Variants in PCDHGA5 observed in about 807,000 individuals in gnomAD.
The protein encoded by PCDHGA5 is protocadherin gamma subfamily A, 5.
A neutral mutation model predicts 56.7 loss-of-function variants in PCDHGA5; 36 were observed. That is an observed-to-expected ratio of 0.64 (90% CI 0.49 to 0.84). PCDHGA5 has a LOEUF of 0.84. Ranked by LOEUF, PCDHGA5 falls within the 40% of genes least tolerant of loss-of-function variation. The pLI is 0.00. For synonymous variants in PCDHGA5, 563 were observed against 520.2 expected, an observed-to-expected ratio of 1.08 and a Z score of -1.12; for missense variants, 1,305 against 1,201.5, an observed-to-expected ratio of 1.09 and a Z score of -1.27.
At position 141,375,795 on chromosome 5, in the gene PCDHGA5, G is replaced by T. The variant is rs765881835; in HGVS notation, c.2421+9044G>T. Reference sequence around the variant, plus strand: ...CTGTACCCCGCCCTCCCCACAGACGGTTCCACTGGCGTGGAGCTGGCGCCC... The same window carrying T: ...CTGTACCCCGCCCTCCCCACAGACGTTTCCACTGGCGTGGAGCTGGCGCCC... On this transcript the variant is annotated intron_variant, in intron 1 of 3. Coordinates refer to ENST00000518069, the MANE Select transcript of PCDHGA5 (RefSeq NM_018918.3). 4 of 1,614,218 alleles carry T rather than the reference G, an allele frequency of 2.5e-6. No individual in the cohort carries two copies. The South Asian group carries it at 3.3e-5, about 13-fold the overall frequency.
At chr5:141,380,525 A>T (rs904711647) in intron 1 of PCDHGA5, among the ~76,000 whole-genome samples, 3 of 152,206 alleles carry the variant, frequency 2.0e-5, no homozygotes, top group Non-Finnish European at 1.5e-5. Context: ...CTATGAAATG[A>T]TTTCAATTTG....
chr5:141,372,177 G>T (rs1768466663), intron 1 of PCDHGA5: 1 of 1,613,730 alleles, frequency 6.2e-7, no homozygotes, highest in African/African-American at 1.3e-5. Flanking sequence ...GGTGGCGGTG[G>T]ACGCAGACTC....
chr5:141,400,189 C>T (rs376855933), intron 1 of PCDHGA5: 52 of 1,613,938 alleles, frequency 3.2e-5, no homozygotes, highest in Non-Finnish European at 4.2e-5. Flanking sequence ...GCAGTTTTAC[C>T]TAGTGGTGGC....
intron 1 of PCDHGA5, chr5:141,441,387 G>A (rs2098243952): frequency 6.5e-6 from 1 of 153,712 alleles, no homozygotes; most frequent in Non-Finnish European, 1.5e-5. Flanking sequence ...CAGACCCAAG[G>A]TATAACATCA....
At chr5:141,389,328 A>G (rs2091708257) in intron 1 of PCDHGA5, 2 of 1,613,854 alleles carry the variant, frequency 1.2e-6, no homozygotes, top group African/African-American at 2.7e-5. Context: ...CTTGGGGCCC[A>G]ACGGCCAAGT....
In PCDHGA5 at chr5:141,366,451, C is replaced by T. The variant is rs372498112; in HGVS notation, c.2121C>T (p.Phe707=). The T allele has an allele frequency of 8.7e-6, 14 of 1,614,228 alleles. No individual in the cohort carries two copies. The highest frequency in any genetic ancestry group is 1.0e-5 in the Non-Finnish European group (12 of 1,180,050). ...CAGTCTCCTGCGTCTTCCTGGCCTTCGTCATCGTGCTGCTGGTGCTCAGAC... is the reference window on the plus strand; with the variant it reads ...CAGTCTCCTGCGTCTTCCTGGCCTTTGTCATCGTGCTGCTGGTGCTCAGAC... ...VAAVSCVFLA[F]VIVLLVLRLR... Residue 707 remains phenylalanine (F), a synonymous_variant, in exon 1 of 4, where the codon TTC becomes TTT. Coordinates refer to ENST00000518069, the MANE Select transcript of PCDHGA5 (RefSeq NM_018918.3).
chr5:141,437,617 C>G (rs570138576), intron 1 of PCDHGA5, among the ~76,000 whole-genome samples: 1 of 152,220 alleles, frequency 6.6e-6, no homozygotes, highest in South Asian at 2.1e-4. Context: ...CTGCTTTATC[C>G]CCATATAAGA....
intron 1 of PCDHGA5, chr5:141,409,041 A>T: frequency 6.2e-7 from 1 of 1,613,982 alleles, no homozygotes; most frequent in Non-Finnish European, 8.5e-7. Flanking sequence ...ATAAACTACT[A>T]CTTCCGAAGC....
chr5:141,453,341 C>T (rs1327119655), intron 1 of PCDHGA5, among the ~76,000 whole-genome samples: 2 of 151,822 alleles, frequency 1.3e-5, no homozygotes, highest in East Asian at 3.9e-4. Context: ...CTATGTTTCC[C>T]CAGGCTGACC....
At chr5:141,450,364 T>G (rs2098678485) in intron 1 of PCDHGA5, among the ~76,000 whole-genome samples, 1 of 152,188 alleles carries the variant, frequency 6.6e-6, no homozygotes, top group Admixed American at 6.5e-5. Flanking sequence ...TCCTCAGCCT[T>G]GTTTGTTTAT....
At chr5:141,471,309 C>T (rs140651182) in intron 1 of PCDHGA5, 8,212 of 152,202 alleles carry the variant, frequency 0.054, 462 homozygotes, top group African/African-American at 0.15. Flanking sequence ...ACTCGGCCTC[C>T]CAAAGTGCTG....
At chr5:141,409,876 C>G in intron 1 of PCDHGA5, 1 of 1,612,874 alleles carries the variant, frequency 6.2e-7, no homozygotes, top group East Asian at 2.2e-5. Flanking sequence ...GCAATGACAA[C>G]GCACCGCGGG....
chr5:141,433,164 A>G, intron 1 of PCDHGA5: 3 of 1,613,600 alleles, frequency 1.9e-6, no homozygotes, highest in Non-Finnish European at 2.5e-6. Context: ...TTTTCTAAAG[A>G]CAGTCATGGG....
At position 141,432,298 on chromosome 5, in the gene PCDHGA5, A is replaced by G; in HGVS notation, c.2422-62509A>G. 6.2e-7 allele frequency: 1 copy of G among 1,614,236 alleles called. No homozygotes were observed. The highest frequency in any genetic ancestry group is 8.5e-7 in the Non-Finnish European group (1 of 1,180,036). The stretch of plus-strand genomic sequence containing the variant: ...TGTCCATCAACTCCGACACTGGGGT[A>G]CTGTATGCGCTGAGCTCCTTCGACT... On this transcript the variant is annotated intron_variant, in intron 1 of 3. Transcript: ENST00000518069. This position sits in a 1 kb window ranked among gnomAD's most constrained non-coding sequence, Gnocchi z 6.0.
chr5:141,487,029 T>C lies in PCDHGA5; in HGVS notation c.2422-7778T>C. 1.2e-6 allele frequency: 2 copies of C among 1,614,226 alleles called. No individual in the cohort carries two copies. Among genetic ancestry groups the C allele is most frequent in the Non-Finnish European group, 1.7e-6 (2 of 1,180,040 alleles). ...CTGGAGGCCCCAGATCCCAGCCTGT[T>C]TGCAGTCTCTCGATATGCTGGGGAG... is the stretch of plus-strand genomic sequence containing the variant. On this transcript the variant is annotated intron_variant, in intron 1 of 3. Coordinates refer to ENST00000518069, the MANE Select transcript of PCDHGA5 (RefSeq NM_018918.3). The surrounding 1 kb of genome is among the most constrained non-coding windows in gnomAD (Gnocchi z 5.0).
rs2099687715 is a variant in PCDHGA5, at chr5:141,489,479, T to G, written c.2422-5328T>G. 1.2e-6 allele frequency: 2 copies of G among 1,614,090 alleles called. No individual in the cohort carries two copies. The highest frequency in any genetic ancestry group is 1.7e-6 in the Non-Finnish European group (2 of 1,180,010). ...GGGCGCTATTTTTCCCTGAGCTTGATGAGTGGTGCCCTGGCAGTGAATCAA... is the reference window on the plus strand; with the variant it reads ...GGGCGCTATTTTTCCCTGAGCTTGAGGAGTGGTGCCCTGGCAGTGAATCAA... On this transcript the variant is annotated intron_variant, in intron 1 of 3. Transcript: ENST00000518069. This position sits in a 1 kb window ranked among gnomAD's most constrained non-coding sequence, Gnocchi z 4.5.
At chr5:141,421,965 C>A in intron 1 of PCDHGA5, 1 of 1,610,360 alleles carries the variant, frequency 6.2e-7, no homozygotes, top group Non-Finnish European at 8.5e-7. Context: ...TTACACAGTC[C>A]GTATATCGCG....
chr5:141,408,985 G>A, intron 1 of PCDHGA5: 1 of 1,613,966 alleles, frequency 6.2e-7, no homozygotes, highest in South Asian at 1.1e-5. Context: ...GGTCCCCTGT[G>A]TTGCAAGTGA....
At position 141,477,961 on chromosome 5, in the gene PCDHGA5, C is replaced by G. The variant is rs199947431; in HGVS notation, c.2422-16846C>G. On this transcript the variant is annotated intron_variant, in intron 1 of 3. Transcript: ENST00000518069. The surrounding 1 kb of genome is among the most constrained non-coding windows in gnomAD (Gnocchi z 4.9). ...CCTACAGTCTCTTGGGATCCCCTAA[C>G]CAGAGCCTTTTTGCCATAGGGCTGC... 10 of 1,614,166 alleles carry G rather than the reference C, an allele frequency of 6.2e-6. No individual in the cohort carries two copies. Among genetic ancestry groups the G allele is most frequent in the Middle Eastern group, 3.3e-4 (2 of 6,062 alleles).
Sources: allele counts gnomAD v4.1 joint callset (sites outside exome capture counted in the v4.1 genomes callset), GRCh38; gene constraint gnomAD v4.1.1; non-coding constraint Gnocchi (gnomAD v3.1); transcripts MANE v1.5; gene names NCBI Gene and HGNC (gene_info 2026-07-23, HGNC 2026-07-21).